The following TEAD1 variants were observed in gnomAD, a reference collection of about 807,000 sequenced individuals.
TEAD1 encodes the protein transcriptional enhancer factor TEF-1.
In TEAD1, 9 loss-of-function variants were observed where a neutral mutation model predicts 54.9. The ratio of observed to expected loss-of-function variants is 0.16; its 90% CI spans 0.10 to 0.29. TEAD1 has a LOEUF of 0.29. TEAD1 is among the 10% of genes least tolerant of loss of function. The pLI is 1.00. For synonymous variants in TEAD1, 200 were observed against 187.8 expected (o/e 1.07, Z -0.53); for missense variants, 387 against 535.9 (o/e 0.72, Z 2.74).
At chr11:12,821,874 G>T (rs1188927703) in intron 3 of TEAD1, among the ~76,000 whole-genome samples, 1 of 149,672 alleles carries the variant, frequency 6.7e-6, no homozygotes, top group Non-Finnish European at 1.5e-5. Context: ...TACCTCCTCC[G>T]CTGTCTGCCT....
At chr11:12,828,678 ATTT>A (rs34495066) in intron 3 of TEAD1, among the ~76,000 whole-genome samples, 3 of 140,904 alleles carry the variant, frequency 2.1e-5, no homozygotes, top group Admixed American at 7.1e-5. Context: ...TAACTGAGTG[ATTT>A]TTTTTTTTTT....
At chr11:12,816,179 A>G (rs963988360) in intron 3 of TEAD1, among the ~76,000 whole-genome samples, 2 of 152,154 alleles carry the variant, frequency 1.3e-5, no homozygotes, top group Admixed American at 6.5e-5. Context: ...CTTTTTATCA[A>G]TCCGATACTG....
At chr11:12,882,884 G>A in intron 8 of TEAD1, 117 bp from the exon 9 acceptor site, 7 of 1,491,978 alleles carry the variant, frequency 4.7e-6, no homozygotes, top group South Asian at 1.2e-5. Context: ...CAGAGCCGGT[G>A]GAGAGGGGGC....
At chr11:12,904,909 G>A (rs75851904) in intron 10 of TEAD1, 3,496 of 338,124 alleles carry the variant, frequency 0.01, 110 homozygotes, top group African/African-American at 0.072. Flanking sequence ...GGCGTCTCCT[G>A]GGAATTTACT....
intron 2 of TEAD1, among the ~76,000 whole-genome samples, chr11:12,724,758 C>A (rs1162123138): frequency 1.3e-5 from 2 of 152,196 alleles, no homozygotes; most frequent in African/African-American, 4.8e-5. Context: ...ATGGGAATTC[C>A]CATCCTCTCC....
chr11:12,751,285 C>CAAAA (rs67548037), intron 2 of TEAD1, among the ~76,000 whole-genome samples: 1 of 112,624 alleles, frequency 8.9e-6, no homozygotes, highest in African/African-American at 3.0e-5. Context: ...CAACCTGACT[C>CAAAA]AAAAAAAAAA....
chr11:12,707,769 G>A (rs868379107), intron 2 of TEAD1, among the ~76,000 whole-genome samples: 1 of 152,148 alleles, frequency 6.6e-6, no homozygotes, highest in African/African-American at 2.4e-5. Context: ...GTAGGACACT[G>A]GGCACAGTAT....
At chr11:12,752,558 A>G (rs1348811705) in intron 2 of TEAD1, among the ~76,000 whole-genome samples, 3 of 152,042 alleles carry the variant, frequency 2.0e-5, no homozygotes, top group Non-Finnish European at 2.9e-5. Flanking sequence ...TTTTTCCTCA[A>G]TATTGCGTTG....
At chr11:12,757,413 C>T (rs555292471) in intron 2 of TEAD1, among the ~76,000 whole-genome samples, 1 of 152,196 alleles carries the variant, frequency 6.6e-6, no homozygotes, top group East Asian at 1.9e-4. Context: ...TCAAAAGTTA[C>T]CATTCTCCTC....
intron 3 of TEAD1, among the ~76,000 whole-genome samples, chr11:12,830,513 C>T (rs1946751301): frequency 6.6e-6 from 1 of 151,976 alleles, no homozygotes; most frequent in Non-Finnish European, 1.5e-5. Context: ...GGTGCCCAGG[C>T]TCTCAGGACC....
At chr11:12,831,256 T>G (rs1946774377) in intron 3 of TEAD1, among the ~76,000 whole-genome samples, 1 of 152,166 alleles carries the variant, frequency 6.6e-6, no homozygotes, top group African/African-American at 2.4e-5. Flanking sequence ...TCTCAAATTT[T>G]GTTTCTTCCA....
chr11:12,902,566 G>C (rs1589974973), intron 10 of TEAD1, among the ~76,000 whole-genome samples: 1 of 152,212 alleles, frequency 6.6e-6, no homozygotes, highest in African/African-American at 2.4e-5. Flanking sequence ...TTTGGCACTA[G>C]TCAGCCTTGG....
At position 12,938,422 on chromosome 11, in the gene TEAD1, G is replaced by GTC. The variant is rs1949129667; in HGVS notation, c.*1201_*1202insCT. 6.6e-6 allele frequency: 1 copy of GTC among 152,446 alleles called. No individual in the cohort carries two copies. The highest frequency in any genetic ancestry group is 2.4e-5 in the African/African-American group (1 of 41,416). The allele number at this position is 152,446 out of a possible 1,614,324, so 9.4% of individuals were successfully genotyped here. The stretch of plus-strand genomic sequence containing the variant: ...GCTATAACTAGGGCTATATGTGTAG[G>GTC]TATGTGTATACATATACACAAATGC... On this transcript the variant is annotated 3_prime_UTR_variant, in exon 13 of 13. Transcript: ENST00000527636.
intron 5 of TEAD1, among the ~76,000 whole-genome samples, chr11:12,875,367 A>G (rs1171998144): frequency 6.6e-6 from 1 of 152,178 alleles, no homozygotes; most frequent in Non-Finnish European, 1.5e-5. Flanking sequence ...CCAGGCAGGT[A>G]TCTCTGGGCT....
At chr11:12,901,117 A>G (rs767132928) in intron 9 of TEAD1, among the ~76,000 whole-genome samples, 2 of 152,204 alleles carry the variant, frequency 1.3e-5, no homozygotes, top group Non-Finnish European at 2.9e-5. Context: ...TGATGTTTAA[A>G]TGATCCTTGG....
chr11:12,720,177 A>G (rs1481595429), intron 2 of TEAD1, among the ~76,000 whole-genome samples: 1 of 151,742 alleles, frequency 6.6e-6, no homozygotes, highest in Non-Finnish European at 1.5e-5. Flanking sequence ...TACTTTATGG[A>G]TCAATTTGAA....
At chr11:12,885,835 C>T (rs889767869) in intron 9 of TEAD1, among the ~76,000 whole-genome samples, 4 of 152,216 alleles carry the variant, frequency 2.6e-5, no homozygotes, top group East Asian at 3.8e-4. Flanking sequence ...CATTTTGAAT[C>T]ATTCAGACCA....
At chr11:12,862,376 G>C in intron 4 of TEAD1, 62 bp downstream of exon 4, 1 of 1,484,826 alleles carries the variant, frequency 6.7e-7, no homozygotes, top group Non-Finnish European at 9.4e-7. Flanking sequence ...CATTTTGGCT[G>C]CAGTGGCTGG....
At chr11:12,868,697 C>T (rs1015329962) in intron 5 of TEAD1, among the ~76,000 whole-genome samples, 12 of 152,276 alleles carry the variant, frequency 7.9e-5, no homozygotes, top group South Asian at 2.1e-4. Flanking sequence ...AAGATTTCTA[C>T]GTAGATTTGA....
Sources: allele counts gnomAD v4.1 joint callset (sites outside exome capture counted in the v4.1 genomes callset), GRCh38; gene constraint gnomAD v4.1.1; transcripts MANE v1.5; gene names NCBI Gene and HGNC (gene_info 2026-07-23, HGNC 2026-07-21).